Variants in ADGRL3 observed in about 807,000 individuals in gnomAD.
ADGRL3 encodes calcium-independent alpha-latrotoxin receptor 3.
Under a neutral mutation model 153.5 loss-of-function variants are expected in ADGRL3, and 62 were observed. That is an observed-to-expected ratio of 0.40 (90% CI 0.33 to 0.50). The LOEUF is 0.50. ADGRL3 is among the 20% of genes least tolerant of loss of function. The probability of loss-of-function intolerance (pLI) is 0.47; values close to 1 mark genes in which losing one functional copy is unlikely to be tolerated. For synonymous variants in ADGRL3, 710 were observed against 672.5 expected, an observed-to-expected ratio of 1.06 and a Z score of -0.86; for missense variants, 1,641 against 1,859.4, an observed-to-expected ratio of 0.88 and a Z score of 2.16.
chr4:61,484,594 T>C lies in ADGRL3; in HGVS notation c.-173-12527T>C, dbSNP rs1213677985. Among the ~76,000 whole-genome samples the C allele has an allele frequency of 2.6e-5, 4 of 152,262 alleles. No individual in the cohort carries two copies. The South Asian group carries it at 6.2e-4, about 24-fold the overall frequency. ...TGGAGCCAAATATTAAACATTATCA[T>C]AGTTAGAATGAAATGAAATAATGTC... On this transcript the variant is annotated intron_variant, in intron 2 of 26. Coordinates refer to ENST00000683033, the MANE Select transcript of ADGRL3 (RefSeq NM_001387552.1).
intron 4 of ADGRL3, among the ~76,000 whole-genome samples, chr4:61,558,593 C>A (rs144895277): frequency 6.6e-6 from 1 of 151,900 alleles, no homozygotes; most frequent in African/African-American, 2.4e-5. Flanking sequence ...TATATAACAT[C>A]TATCATCTAT....
intron 18 of ADGRL3, among the ~76,000 whole-genome samples, chr4:61,980,877 CATCTTGGTTGCTTCCAAGATGT>C (rs2150829578): frequency 6.6e-6 from 1 of 152,252 alleles, no homozygotes; most frequent in African/African-American, 2.4e-5. Context: ...TACTGAAGGA[CATCTTGGTTGCTTCCAAGATGT>C]CATCTGTGCT....
chr4:61,823,659 A>T (rs978184103), intron 9 of ADGRL3, among the ~76,000 whole-genome samples: 2 of 152,200 alleles, frequency 1.3e-5, no homozygotes, highest in African/African-American at 4.8e-5. Context: ...GATAATACTA[A>T]GCCTTGGAGC....
At chr4:61,916,877 C>T (rs1057268274) in intron 13 of ADGRL3, among the ~76,000 whole-genome samples, 1 of 151,810 alleles carries the variant, frequency 6.6e-6, no homozygotes, top group Admixed American at 6.6e-5. Context: ...TGCTTAAACC[C>T]GGGAGGTGGA....
At chr4:61,673,287 A>G (rs1413194760) in intron 5 of ADGRL3, among the ~76,000 whole-genome samples, 2 of 151,942 alleles carry the variant, frequency 1.3e-5, no homozygotes, top group Non-Finnish European at 2.9e-5. Flanking sequence ...ACAGTTAACA[A>G]TACTGTATTA....
chr4:61,232,965 A>T (rs1252745386), intron 1 of ADGRL3, among the ~76,000 whole-genome samples: 1 of 152,182 alleles, frequency 6.6e-6, no homozygotes, highest in Admixed American at 6.5e-5. Flanking sequence ...GCCAGCTTAG[A>T]TGTAGTTAGT....
chr4:61,459,533 C>T (rs554400675), intron 2 of ADGRL3, among the ~76,000 whole-genome samples: 6 of 151,838 alleles, frequency 4.0e-5, no homozygotes, highest in East Asian at 3.9e-4. Context: ...GAGGTATCTT[C>T]GATATATTAT....
chr4:61,329,166 C>T (rs1475418903), intron 1 of ADGRL3, among the ~76,000 whole-genome samples: 1 of 152,104 alleles, frequency 6.6e-6, no homozygotes, highest in African/African-American at 2.4e-5. Flanking sequence ...AAGCTATAAC[C>T]CTACCATTTA....
chr4:61,253,691 CCACA>C (rs143396564), intron 1 of ADGRL3, among the ~76,000 whole-genome samples: 4 of 140,396 alleles, frequency 2.8e-5, no homozygotes, highest in Non-Finnish European at 6.4e-5. Flanking sequence ...ATGTTCAGTT[CCACA>C]CACACACACA....
chr4:61,854,409 G>A (rs889576640), intron 9 of ADGRL3, among the ~76,000 whole-genome samples: 2 of 152,142 alleles, frequency 1.3e-5, no homozygotes, highest in African/African-American at 4.8e-5. Context: ...TAATTTGATA[G>A]GAATATGTCA....
chr4:61,385,215 A>G (rs536494333), intron 2 of ADGRL3, among the ~76,000 whole-genome samples: 1 of 152,216 alleles, frequency 6.6e-6, no homozygotes, highest in East Asian at 1.9e-4. Context: ...CTGATTTTTC[A>G]TAAAGAAAGT....
chr4:61,805,019 G>A (rs1348542634), intron 8 of ADGRL3, among the ~76,000 whole-genome samples: 2 of 150,690 alleles, frequency 1.3e-5, no homozygotes, highest in East Asian at 2.0e-4. Flanking sequence ...GCAGTGGGGC[G>A]ATCTCGGCTC....
chr4:61,362,670 T>A (rs2151520892), intron 1 of ADGRL3, among the ~76,000 whole-genome samples: 1 of 152,070 alleles, frequency 6.6e-6, no homozygotes, highest in Admixed American at 6.6e-5. Context: ...ATCATAAAGG[T>A]TTTCAGCCTC....
intron 26 of ADGRL3, 85 bp from the exon 27 acceptor site, chr4:62,070,024 A>C (rs1030298800): frequency 2.1e-5 from 22 of 1,058,110 alleles, no homozygotes; most frequent in African/African-American, 3.2e-5. Context: ...TTTCATAGTC[A>C]ATGAATGTTT....
chr4:61,872,374 C>T (rs1231977517), intron 9 of ADGRL3, among the ~76,000 whole-genome samples: 1 of 149,784 alleles, frequency 6.7e-6, no homozygotes, highest in Admixed American at 6.7e-5. Context: ...TGCCTGCCAA[C>T]ATACCATTTC....
intron 17 of ADGRL3, among the ~76,000 whole-genome samples, chr4:61,952,968 G>A (rs1383927233): frequency 6.6e-6 from 1 of 152,142 alleles, no homozygotes; most frequent in Non-Finnish European, 1.5e-5. Context: ...CACAAAGCAT[G>A]TGTGTCCTGG....
intron 8 of ADGRL3, among the ~76,000 whole-genome samples, chr4:61,734,936 A>G (rs2096489592): frequency 6.6e-6 from 1 of 152,224 alleles, no homozygotes; most frequent in African/African-American, 2.4e-5. Flanking sequence ...AGTGAAGTGC[A>G]CAAAACCTTT....
chr4:61,456,419 ATATC>A (rs2097749410), intron 2 of ADGRL3, among the ~76,000 whole-genome samples: 2 of 60,354 alleles, frequency 3.3e-5, no homozygotes, highest in African/African-American at 9.0e-5. Context: ...ATATATAGAT[ATATC>A]TATATCTATA....
At chr4:61,767,700 T>A (rs934638276) in intron 8 of ADGRL3, among the ~76,000 whole-genome samples, 3 of 152,112 alleles carry the variant, frequency 2.0e-5, no homozygotes, top group Non-Finnish European at 4.4e-5. Context: ...TTAGGAGGAA[T>A]CCTGGGCTGC....
Sources: gnomAD v4.1 joint callset for allele counts (sites outside exome capture counted in the v4.1 genomes callset) on GRCh38, gnomAD v4.1.1 for gene constraint, MANE v1.5 for transcripts, NCBI Gene and HGNC (gene_info 2026-07-23, HGNC 2026-07-21) for gene names.